The following EVA1C variants were observed in gnomAD, a reference collection of about 807,000 sequenced individuals.
The protein encoded by EVA1C is eva-1 homolog C, also known as protein eva-1 homolog C.
A neutral mutation model predicts 45.4 loss-of-function variants in EVA1C; 25 were observed. The observed-to-expected ratio is 0.55, with a 90% confidence interval of 0.40 to 0.77. The LOEUF (loss-of-function observed/expected upper bound fraction) is 0.77. Ranked by LOEUF, EVA1C falls within the 30% of genes least tolerant of loss-of-function variation. The probability of loss-of-function intolerance (pLI) is 0.00; values close to 1 mark genes in which losing one functional copy is unlikely to be tolerated. For synonymous variants in EVA1C, 190 were observed against 221.2 expected, an observed-to-expected ratio of 0.86 and a Z score of 1.25; for missense variants, 479 against 554.8, an observed-to-expected ratio of 0.86 and a Z score of 1.37.
chr21:32,466,418 CA>C (rs201044286), intron 3 of EVA1C, among the ~76,000 whole-genome samples: 21,609 of 84,958 alleles, frequency 0.25, 1,454 homozygotes, highest in East Asian at 0.34. Flanking sequence ...GATTCCGTCT[CA>C]AAAAAAAAAA....
intron 7 of EVA1C, among the ~76,000 whole-genome samples, chr21:32,511,442 GA>G (rs1038606081): frequency 8.3e-5 from 8 of 96,260 alleles, no homozygotes; most frequent in Admixed American, 8.2e-4. Flanking sequence ...AAAAAAAAAA[GA>G]AAGAAAGAAA....
chr21:32,418,356 G>A (rs1410448565), intron 1 of EVA1C, among the ~76,000 whole-genome samples: 1 of 152,188 alleles, frequency 6.6e-6, no homozygotes, highest in Non-Finnish European at 1.5e-5. Flanking sequence ...CATGGAAAGT[G>A]ACTACATCTG....
chr21:32,491,452 G>A (rs1268444531), intron 4 of EVA1C, among the ~76,000 whole-genome samples: 2 of 152,042 alleles, frequency 1.3e-5, no homozygotes, highest in Non-Finnish European at 2.9e-5. Context: ...ACTTTGGGCG[G>A]CCGAGGCGGG....
At chr21:32,492,266 C>T (rs181408602) in intron 4 of EVA1C, among the ~76,000 whole-genome samples, 1 of 152,026 alleles carries the variant, frequency 6.6e-6, no homozygotes, top group Non-Finnish European at 1.5e-5. Flanking sequence ...ATTAGGATCA[C>T]CCCTCATCTC....
intron 3 of EVA1C, among the ~76,000 whole-genome samples, chr21:32,459,727 G>A (rs924591506): frequency 2.0e-5 from 3 of 151,636 alleles, no homozygotes; most frequent in Admixed American, 1.3e-4. Flanking sequence ...TGTAATCCCA[G>A]CTAGTAGGGA....
chr21:32,426,387 T>C (rs1048220488), intron 1 of EVA1C, among the ~76,000 whole-genome samples: 1 of 151,966 alleles, frequency 6.6e-6, no homozygotes, highest in Non-Finnish European at 1.5e-5. Flanking sequence ...GATTTGAACA[T>C]GAAAAAGGAA....
intron 1 of EVA1C, among the ~76,000 whole-genome samples, chr21:32,429,497 T>A (rs1209478008): frequency 6.7e-6 from 1 of 150,206 alleles, no homozygotes; most frequent in Admixed American, 6.6e-5. Flanking sequence ...GGGATTATAG[T>A]CACGCACCCC....
At chr21:32,484,734 C>G (rs1319799008) in intron 4 of EVA1C, among the ~76,000 whole-genome samples, 7 of 152,106 alleles carry the variant, frequency 4.6e-5, no homozygotes, top group South Asian at 2.1e-4. Flanking sequence ...ACCCTAATCT[C>G]TCTTCTGGAC....
intron 1 of EVA1C, among the ~76,000 whole-genome samples, chr21:32,440,036 G>C (rs11910665): frequency 2.6e-5 from 4 of 151,818 alleles, no homozygotes; most frequent in Non-Finnish European, 5.9e-5. Context: ...CTGTCTAAGC[G>C]GGTGGGATGG....
chr21:32,500,588 G>A (rs1427820494), intron 5 of EVA1C, among the ~76,000 whole-genome samples: 5 of 151,944 alleles, frequency 3.3e-5, no homozygotes, highest in East Asian at 1.9e-4. Context: ...ACAATGCCCC[G>A]AAGCTCCCTT....
rs550196221 is a variant in EVA1C, at chr21:32,473,923, T to G, written c.634+6075T>G. 188 of 985,414 alleles carry G rather than the reference T, an allele frequency of 1.9e-4. No homozygotes were observed. In the East Asian group the frequency reaches 5.3e-3, roughly 28 times the overall value. 61.0% of individuals were successfully genotyped at this position (985,414 alleles called of 1,614,324 possible). ...TGATTTTTGTCTTTCAGCCTTTTTG[T>G]GCCACGGAGCACAGGACAAGAAGGG... On this transcript the variant is annotated intron_variant, in intron 4 of 7. Transcript: ENST00000300255.
chr21:32,498,439 C>CAA (rs552076847), intron 5 of EVA1C, among the ~76,000 whole-genome samples: 4 of 79,754 alleles, frequency 5.0e-5, no homozygotes, highest in East Asian at 4.4e-4. Flanking sequence ...AACTCTGTCT[C>CAA]AAAAAAAAAA....
chr21:32,457,957 C>G (rs1413109786), intron 3 of EVA1C, among the ~76,000 whole-genome samples: 1 of 152,146 alleles, frequency 6.6e-6, no homozygotes, highest in African/African-American at 2.4e-5. Flanking sequence ...CTTACAAATG[C>G]CTGAATTTTA....
intron 2 of EVA1C, among the ~76,000 whole-genome samples, chr21:32,453,725 A>C (rs540288737): frequency 2.0e-5 from 3 of 152,274 alleles, no homozygotes; most frequent in African/African-American, 7.2e-5. Flanking sequence ...ATTCCTACCT[A>C]TTGTAGAGCC....
At chr21:32,436,323 A>G (rs2146187164) in intron 1 of EVA1C, among the ~76,000 whole-genome samples, 1 of 152,230 alleles carries the variant, frequency 6.6e-6, no homozygotes, top group Admixed American at 6.5e-5. Context: ...CGGCCTCCCA[A>G]AATGCTGGGA....
intron 4 of EVA1C, among the ~76,000 whole-genome samples, chr21:32,478,280 T>C (rs949387327): frequency 6.6e-6 from 1 of 151,902 alleles, no homozygotes; most frequent in African/African-American, 2.4e-5. Flanking sequence ...GTGCAGTGGC[T>C]CGATCTCAGC....
At chr21:32,481,190 T>C (rs1420976618) in intron 4 of EVA1C, among the ~76,000 whole-genome samples, 1 of 152,140 alleles carries the variant, frequency 6.6e-6, no homozygotes, top group African/African-American at 2.4e-5. Context: ...ATACTACTTA[T>C]GTTTGGAAAC....
At chr21:32,473,648 C>T (rs1435421424) in intron 4 of EVA1C, among the ~76,000 whole-genome samples, 4 of 152,182 alleles carry the variant, frequency 2.6e-5, no homozygotes, top group Non-Finnish European at 4.4e-5. Flanking sequence ...CCCTGGACAT[C>T]GAAGCTGCCT....
intron 4 of EVA1C, among the ~76,000 whole-genome samples, chr21:32,483,347 A>G (rs969110872): frequency 6.6e-6 from 1 of 151,206 alleles, no homozygotes; most frequent in East Asian, 2.0e-4. Context: ...GCCCTTCACA[A>G]AGACAGACTT....
Sources: gnomAD v4.1 joint callset for allele counts (sites outside exome capture counted in the v4.1 genomes callset) on GRCh38, gnomAD v4.1.1 for gene constraint, MANE v1.5 for transcripts, NCBI Gene and HGNC (gene_info 2026-07-23, HGNC 2026-07-21) for gene names.